Variants in EBF2 observed in about 807,000 individuals in gnomAD.
EBF2 encodes transcription factor COE2.
In EBF2, 21 loss-of-function variants were observed where a neutral mutation model predicts 72.8. That is an observed-to-expected ratio of 0.29 (90% confidence interval 0.20 to 0.42). EBF2 has a LOEUF of 0.42. Among genes scored for constraint, EBF2 ranks in the 10% least tolerant of loss-of-function variants. The pLI is 1.00. For synonymous variants in EBF2, 299 were observed against 274.2 expected, an observed-to-expected ratio of 1.09 and a Z score of -0.89; for missense variants, 637 against 731.2, an observed-to-expected ratio of 0.87 and a Z score of 1.49.
intron 6 of EBF2, among the ~76,000 whole-genome samples, chr8:25,909,134 T>C (rs921660663): frequency 6.6e-6 from 1 of 152,216 alleles, no homozygotes; most frequent in African/African-American, 2.4e-5. Context: ...GAATATCCTC[T>C]CAGTTCATGT....
intron 5 of EBF2, 139 bp from the exon 6 acceptor site, chr8:26,033,292 C>T: frequency 2.6e-6 from 2 of 761,708 alleles, no homozygotes; most frequent in Non-Finnish European, 4.4e-6. Flanking sequence ...CTTGATGCCT[C>T]CTTCTTGGCT....
chr8:25,978,099 G>A (rs530499627), intron 6 of EBF2, among the ~76,000 whole-genome samples: 2 of 152,244 alleles, frequency 1.3e-5, no homozygotes, highest in East Asian at 3.9e-4. Flanking sequence ...TCCTGTCACC[G>A]AACCCTCGTC....
At chr8:26,036,043 T>C (rs2117260948) in intron 5 of EBF2, among the ~76,000 whole-genome samples, 1 of 152,316 alleles carries the variant, frequency 6.6e-6, no homozygotes, top group Non-Finnish European at 1.5e-5. Flanking sequence ...CTCTCCCTTT[T>C]GACATCACCA....
chr8:25,996,435 T>G (rs530759498), intron 6 of EBF2, among the ~76,000 whole-genome samples: 2 of 152,286 alleles, frequency 1.3e-5, no homozygotes, highest in East Asian at 3.9e-4. Flanking sequence ...TCTCTTAAAT[T>G]TTAACAAATT....
chr8:25,945,641 T>C (rs1455978868), intron 6 of EBF2, among the ~76,000 whole-genome samples: 1 of 151,484 alleles, frequency 6.6e-6, no homozygotes, highest in Non-Finnish European at 1.5e-5. Flanking sequence ...GGGGGTACAA[T>C]GAGAGCCTGT....
chr8:26,030,287 A>C (rs894249880), intron 6 of EBF2, among the ~76,000 whole-genome samples: 1 of 152,170 alleles, frequency 6.6e-6, no homozygotes, highest in African/African-American at 2.4e-5. Context: ...CCCACCTATG[A>C]GGGAGAACAT....
intron 6 of EBF2, among the ~76,000 whole-genome samples, chr8:25,970,365 G>A (rs1039395644): frequency 5.3e-5 from 8 of 151,982 alleles, no homozygotes; most frequent in Middle Eastern, 6.8e-3. Flanking sequence ...TCGGAGCCTG[G>A]CGCTGAAGCA....
chr8:26,030,808 A>T (rs1805389517), intron 6 of EBF2, among the ~76,000 whole-genome samples: 1 of 152,238 alleles, frequency 6.6e-6, no homozygotes, highest in Admixed American at 6.5e-5. Context: ...TAAAACTCAT[A>T]ATCTGCAGCC....
intron 1 of EBF2, among the ~76,000 whole-genome samples, chr8:26,043,513 G>A (rs1484869769): frequency 6.6e-6 from 1 of 152,220 alleles, no homozygotes; most frequent in Non-Finnish European, 1.5e-5. Context: ...GGCCAGTCCC[G>A]AAGCGCTGCG....
In EBF2 at chr8:25,842,544, C is replaced by G. The variant is rs1258409922; in HGVS notation, c.*2065G>C. ...GCCTTCACTTTTGGAAGGTAACATT[C>G]ATATTCCACACATTCTTCCCCTTCC... On this transcript the variant is annotated 3_prime_UTR_variant, in exon 16 of 16. Transcript: ENST00000520164. The G allele has an allele frequency of 6.6e-6, 1 of 152,210 alleles. No individual in the cohort carries two copies. Among genetic ancestry groups the G allele is most frequent in the African/African-American group, 2.4e-5 (1 of 41,448 alleles). 9.4% of individuals were successfully genotyped at this position (152,210 alleles called of 1,614,324 possible).
chr8:26,025,876 TA>T (rs530619353), intron 6 of EBF2, among the ~76,000 whole-genome samples: 2,639 of 147,588 alleles, frequency 0.018, 78 homozygotes, highest in African/African-American at 0.06. Context: ...AATTTTCACT[TA>T]AAAAAAAAAA....
At chr8:25,876,974 TATAAAAGAC>T (rs1350544384) in intron 10 of EBF2, among the ~76,000 whole-genome samples, 10 of 152,190 alleles carry the variant, frequency 6.6e-5, no homozygotes, top group African/African-American at 2.2e-4. Context: ...TGATAGAACT[TATAAAAGAC>T]TTCTTAACCA....
intron 8 of EBF2, among the ~76,000 whole-genome samples, chr8:25,888,562 G>A (rs1422309509): frequency 1.3e-5 from 2 of 152,194 alleles, no homozygotes; most frequent in African/African-American, 2.4e-5. Flanking sequence ...TACAAGGCCT[G>A]TTAATGGGCC....
intron 6 of EBF2, among the ~76,000 whole-genome samples, chr8:25,962,703 G>T (rs2117180426): frequency 6.6e-6 from 1 of 152,296 alleles, no homozygotes; most frequent in East Asian, 1.9e-4. Context: ...GTTGTGGTGT[G>T]AACACAAAAT....
intron 6 of EBF2, among the ~76,000 whole-genome samples, chr8:25,978,133 G>A (rs190106030): frequency 6.6e-6 from 1 of 152,250 alleles, no homozygotes; most frequent in Non-Finnish European, 1.5e-5. Flanking sequence ...CAGAAACTAT[G>A]CATTGAATAC....
chr8:25,849,879 CTGGCTCCTGT>C (rs1801924278), intron 15 of EBF2, among the ~76,000 whole-genome samples: 1 of 152,176 alleles, frequency 6.6e-6, no homozygotes, highest in Non-Finnish European at 1.5e-5. Flanking sequence ...GTTGCTCCTG[CTGGCTCCTGT>C]CCATGTATGC....
chr8:26,039,789 G>A (rs900958079), intron 5 of EBF2, among the ~76,000 whole-genome samples: 4 of 152,208 alleles, frequency 2.6e-5, no homozygotes, highest in African/African-American at 9.6e-5. Context: ...GTAGCCGGAG[G>A]AAACTCCTGC....
intron 6 of EBF2, among the ~76,000 whole-genome samples, chr8:25,997,571 C>CAAAA (rs11302993): frequency 0.2 from 26,296 of 129,432 alleles, 2,927 homozygotes; most frequent in Middle Eastern, 0.28. Context: ...GATCCTATCT[C>CAAAA]AAAAAAAAAA....
At chr8:26,005,271 A>AAT (rs1804824765) in intron 6 of EBF2, among the ~76,000 whole-genome samples, 5 of 1,950 alleles carry the variant, frequency 2.6e-3, no homozygotes, top group African/African-American at 8.6e-3. Context: ...AATATATAAT[A>AAT]TATATAATTA....
Sources: gnomAD v4.1 joint callset for allele counts (sites outside exome capture counted in the v4.1 genomes callset) on GRCh38, gnomAD v4.1.1 for gene constraint, MANE v1.5 for transcripts, NCBI Gene and HGNC (gene_info 2026-07-23, HGNC 2026-07-21) for gene names.